TYW1B: variants seen among roughly 807,000 people sequenced by gnomAD.
TYW1B encodes S-adenosyl-L-methionine-dependent tRNA 4-demethylwyosine synthase TYW1B.
Under a neutral mutation model 86.9 loss-of-function variants are expected in TYW1B, and 73 were observed. The observed-to-expected ratio is 0.84, with a 90% CI of 0.70 to 1.02. TYW1B has a LOEUF of 1.02. TYW1B is among the 50% of genes least tolerant of loss of function. The pLI is 0.00. For synonymous variants in TYW1B, 248 were observed against 292.8 expected, an observed-to-expected ratio of 0.85 and a Z score of 1.56; for missense variants, 637 against 827.4, an observed-to-expected ratio of 0.77 and a Z score of 2.82.
chr7:72,749,934 A>G (rs1451398695), intron 7 of TYW1B, among the ~76,000 whole-genome samples: 3 of 136,908 alleles, frequency 2.2e-5, no homozygotes, highest in Admixed American at 1.5e-4. Flanking sequence ...TTTTTGAGAC[A>G]AGGTCTCACT....
At chr7:72,619,081 A>C (rs1239368361) in intron 12 of TYW1B, among the ~76,000 whole-genome samples, 1 of 152,142 alleles carries the variant, frequency 6.6e-6, no homozygotes. Context: ...GACTTTCCAG[A>C]TCTCCCCTTT....
intron 7 of TYW1B, among the ~76,000 whole-genome samples, chr7:72,751,333 C>T (rs573178233): frequency 1.6e-4 from 24 of 151,756 alleles, no homozygotes; most frequent in African/African-American, 3.4e-4. Flanking sequence ...CCATCACACT[C>T]GGCACAGATT....
chr7:72,769,634 A>G (rs1269016482), intron 7 of TYW1B, among the ~76,000 whole-genome samples: 2 of 152,244 alleles, frequency 1.3e-5, no homozygotes, highest in Non-Finnish European at 2.9e-5. Flanking sequence ...CTAGAGAAAT[A>G]TTCACAGTGC....
rs145935571 is a variant in TYW1B at position 72,733,159 on chromosome 7, A to AACACACACACAC, written c.1083-4240_1083-4229dup. 3.9e-3 allele frequency among the ~76,000 whole-genome samples: 577 copies of AACACACACACAC among 147,182 alleles called. 8 individuals carry two copies. Among genetic ancestry groups the AACACACACACAC allele is most frequent in the African/African-American group, 8.1e-3 (324 of 40,002 alleles). On this transcript the variant is annotated intron_variant, in intron 8 of 13. Transcript: ENST00000620995. Reference sequence around the variant, plus strand: ...CCCTGGTAAATTCCACCAAACCTAAAACACACACACACACACACACACACA... The same window carrying AACACACACACAC: ...CCCTGGTAAATTCCACCAAACCTAAAACACACACACACACACACACACACACACACACACACA...
At chr7:72,618,119 C>A (rs57969995) in intron 12 of TYW1B, among the ~76,000 whole-genome samples, 1 of 151,746 alleles carries the variant, frequency 6.6e-6, no homozygotes, top group Admixed American at 6.6e-5. Flanking sequence ...GCATGTGCAC[C>A]TCTCATACAC....
chr7:72,741,071 C>T (rs577650179), intron 8 of TYW1B, among the ~76,000 whole-genome samples: 5 of 152,080 alleles, frequency 3.3e-5, no homozygotes, highest in East Asian at 3.9e-4. Context: ...TGCATACAAA[C>T]CATGCAAAGA....
intron 10 of TYW1B, among the ~76,000 whole-genome samples, chr7:72,704,611 TATCTC>T (rs1291319101): frequency 2.0e-5 from 3 of 151,910 alleles, no homozygotes; most frequent in African/African-American, 7.3e-5. Context: ...AAGTCAATCT[TATCTC>T]AAGTAATGGG....
chr7:72,802,354 A>G (rs782762761), intron 6 of TYW1B, 46 bp downstream of exon 6: 1 of 1,611,188 alleles, frequency 6.2e-7, no homozygotes, highest in South Asian at 1.1e-5. Context: ...ACTAAATGTT[A>G]ACCAACTGCG....
intron 8 of TYW1B, among the ~76,000 whole-genome samples, chr7:72,735,307 C>T (rs1370503824): frequency 1.5e-4 from 23 of 152,118 alleles, no homozygotes; most frequent in African/African-American, 4.3e-4. Context: ...TAGTGGGTCA[C>T]GCCTGTAATC....
intron 5 of TYW1B, among the ~76,000 whole-genome samples, chr7:72,803,675 G>A (rs1250928018): frequency 2.0e-5 from 3 of 151,966 alleles, no homozygotes; most frequent in African/African-American, 4.8e-5. Context: ...GTGCAGTGGC[G>A]TGATCTTGGC....
chr7:72,769,558 T>C (rs1787831358), intron 7 of TYW1B, among the ~76,000 whole-genome samples: 2 of 152,288 alleles, frequency 1.3e-5, no homozygotes, highest in South Asian at 4.1e-4. Flanking sequence ...AAAAATATGA[T>C]ATAGTGAACT....
chr7:72,667,417 T>C (rs1813491357), intron 11 of TYW1B, among the ~76,000 whole-genome samples: 3 of 152,114 alleles, frequency 2.0e-5, no homozygotes, highest in African/African-American at 7.2e-5. Flanking sequence ...AGTTTGGATA[T>C]TAAAAACAAA....
At chr7:72,644,928 A>G (rs1270380571) in intron 11 of TYW1B, among the ~76,000 whole-genome samples, 1 of 151,142 alleles carries the variant, frequency 6.6e-6, no homozygotes, top group East Asian at 1.9e-4. Flanking sequence ...CCCGGGTTCA[A>G]GCGATTCTCC....
intron 8 of TYW1B, among the ~76,000 whole-genome samples, chr7:72,730,020 G>A (rs2960997): frequency 0.7 from 105,702 of 152,024 alleles, 37,613 homozygotes; most frequent in Non-Finnish European, 0.77. Flanking sequence ...TACTGTACCC[G>A]TCTAGAGGAC....
intron 13 of TYW1B, among the ~76,000 whole-genome samples, chr7:72,601,745 C>T (rs1585838551): frequency 7.9e-6 from 1 of 126,140 alleles, no homozygotes; most frequent in African/African-American, 3.1e-5. Context: ...ATGCATATTG[C>T]TAAGTGAAAA....
At chr7:72,722,707 T>C (rs1196776570) in intron 9 of TYW1B, among the ~76,000 whole-genome samples, 1 of 152,170 alleles carries the variant, frequency 6.6e-6, no homozygotes. Flanking sequence ...GACTGGCCAC[T>C]TAGCTCCAGT....
At position 72,828,106 on chromosome 7, in the gene TYW1B, T is replaced by A. The variant is rs1261241219; in HGVS notation, c.-31A>T. ...TCAGAGCCGACAGGAGACTAGGATCTCGGACCTGGAGAGCCCAAAGGTTCG... is the reference window on the plus strand; with the variant it reads ...TCAGAGCCGACAGGAGACTAGGATCACGGACCTGGAGAGCCCAAAGGTTCG... On this transcript the variant is annotated 5_prime_UTR_variant, in exon 1 of 14. Coordinates refer to ENST00000620995, the MANE Select transcript of TYW1B (RefSeq NM_001145440.3). The A allele has an allele frequency of 1.9e-6, 3 of 1,613,500 alleles. No individual in the cohort carries two copies. The highest frequency in any genetic ancestry group is 2.7e-5 in the African/African-American group (2 of 74,946).
chr7:72,728,171 A>G (rs1787039387), intron 9 of TYW1B, among the ~76,000 whole-genome samples: 1 of 152,150 alleles, frequency 6.6e-6, no homozygotes, highest in Non-Finnish European at 1.5e-5. Flanking sequence ...CTAACCTAAA[A>G]TTTCCAATCC....
rs183670640 is a variant in TYW1B, at chr7:72,605,181, C to T, written c.1785+11491G>A. ...AATATCACTGCACTGCAAACGACCA[C>T]GAAGTATTCCAGGTATGAATAGGGT... On this transcript the variant is annotated intron_variant, in intron 13 of 13. Transcript: ENST00000620995. Among the ~76,000 whole-genome samples, 503 of 152,238 alleles carry T rather than the reference C, an allele frequency of 3.3e-3. 2 individuals carry two copies. Among genetic ancestry groups the T allele is most frequent in the African/African-American group, 0.011 (460 of 41,554 alleles).
Sources: allele counts gnomAD v4.1 joint callset (sites outside exome capture counted in the v4.1 genomes callset), GRCh38; gene constraint gnomAD v4.1.1; transcripts MANE v1.5; gene names NCBI Gene and HGNC (gene_info 2026-07-23, HGNC 2026-07-21).